Variants in PASK observed in about 807,000 individuals in gnomAD.
PASK encodes the protein PAS domain-containing serine/threonine-protein kinase.
In PASK, 110 loss-of-function variants were observed where a neutral mutation model predicts 121.0. That is an observed-to-expected ratio of 0.91 (90% CI 0.78 to 1.06). The LOEUF (loss-of-function observed/expected upper bound fraction) is 1.06, where lower values mean the gene tolerates loss of function less well. Ranked by LOEUF, PASK falls within the 50% of genes least tolerant of loss-of-function variation. PASK has a pLI of 0.00. For synonymous variants in PASK, 686 were observed against 717.8 expected (o/e 0.96, Z 0.71); for missense variants, 1,643 against 1,702.3 (o/e 0.97, Z 0.61).
intron 9 of PASK, among the ~76,000 whole-genome samples, chr2:241,129,838 G>C (rs901826255): frequency 6.6e-6 from 1 of 152,202 alleles, no homozygotes; most frequent in Non-Finnish European, 1.5e-5. Context: ...AGGGACCGTA[G>C]GTCCTCCAGT....
intron 9 of PASK, among the ~76,000 whole-genome samples, chr2:241,132,017 C>T (rs1575305030): frequency 4.3e-5 from 6 of 140,274 alleles, no homozygotes; most frequent in Non-Finnish European, 9.0e-5. Flanking sequence ...CACGCCACTG[C>T]ACTCTAGCCT....
rs1048285031 is a variant in PASK, at chr2:241,123,009, C to T, written c.2905-110G>A. ...CAGCAGCCGCCCGAGGCAGGTGTGC[C>T]CTGCACTCCAGTCCCCTCTCCTCCC... On this transcript the variant is annotated intron_variant, in intron 11 of 17. Coordinates refer to ENST00000234040, the MANE Select transcript of PASK (RefSeq NM_015148.4). The T allele has an allele frequency of 6.7e-5, 66 of 981,324 alleles. 1 individual carries two copies. Among genetic ancestry groups the T allele is most frequent in the Admixed American group, 1.2e-4 (5 of 42,246 alleles). The allele number at this position is 981,324 out of a possible 1,614,324, so 60.8% of individuals were successfully genotyped here. A position where few individuals can be genotyped will look rare whatever the true frequency, so the allele number is the denominator to read the frequency against.
intron 12 of PASK, among the ~76,000 whole-genome samples, chr2:241,118,460 A>G (rs2065464771): frequency 6.6e-6 from 1 of 152,240 alleles, no homozygotes; most frequent in African/African-American, 2.4e-5. Flanking sequence ...TTCAACAAGC[A>G]GTGCTAGTAC....
chr2:241,149,140 G>C (rs377488401), intron 1 of PASK, among the ~76,000 whole-genome samples: 1 of 150,756 alleles, frequency 6.6e-6, no homozygotes, highest in Non-Finnish European at 1.5e-5. Context: ...GGCGCCCACC[G>C]GGCAGGCTAC....
intron 1 of PASK, among the ~76,000 whole-genome samples, chr2:241,145,002 C>T (rs2066890345): frequency 6.6e-6 from 1 of 152,212 alleles, no homozygotes; most frequent in Non-Finnish European, 1.5e-5. Flanking sequence ...CAACCTCCGC[C>T]TCCCGGGTTC....
chr2:241,126,606 G>T lies in PASK; in HGVS notation c.2309C>A (p.Pro770His), dbSNP rs773737144. 2 of 1,614,190 alleles carry T rather than the reference G, an allele frequency of 1.2e-6. No homozygotes were observed. The highest frequency in any genetic ancestry group is 1.1e-5 in the South Asian group (1 of 91,074). Residue 770 changes from proline (P) to histidine (H), a missense_variant, in exon 10 of 18, where the codon CCC (proline) becomes CAC (histidine). Around this residue, in one of 3 missense-constraint regions of PASK, gnomAD observed 1,176 missense variants for 1,162.2 expected, o/e 1.01. Transcript: ENST00000234040. Reference sequence around the variant, plus strand: ...ATCGGAGCCCACTGCCAAGGAAGAGGGTGTCTCTCTGAGTTCAGACGTAGC... The same window carrying T: ...ATCGGAGCCCACTGCCAAGGAAGAGTGTGTCTCTCTGAGTTCAGACGTAGC... ...SCATSELRET[P>H]SSLAVGSDPD...
chr2:241,149,820 CG>C (rs2067200111), upstream of PASK: 1 of 1,527,198 alleles, frequency 6.5e-7, no homozygotes, highest in East Asian at 2.5e-5. Flanking sequence ...CTGCAGCGTC[CG>C]CACTGGGCTG....
chr2:241,127,336 G>T lies in PASK; in HGVS notation c.1579C>A (p.Gln527Lys), dbSNP rs201080865. 1.5e-5 allele frequency: 24 copies of T among 1,614,188 alleles called. No individual in the cohort carries two copies. The highest frequency in any genetic ancestry group is 2.7e-5 in the African/African-American group (2 of 75,064). ...GACCTGCTTTCTCCCAGAAGATCCT[G>T]TCCGGGGCTCTCTATTGCCACAGGT... ...EEPVAIESPG[Q>K]DLLGESRSEP... is the part of the protein sequence containing the mutation. The change falls in exon 10 of 18, where the codon CAG becomes AAG. Residue 527 changes from glutamine to lysine, a missense_variant. Transcript: ENST00000234040.
At position 241,126,698 on chromosome 2, in the gene PASK, A is replaced by C. The variant is rs1352469169; in HGVS notation, c.2217T>G (p.Phe739Leu). The stretch of plus-strand genomic sequence containing the variant: ...AAAAGAGTTCCTTGAGGTTCCAGGA[A>C]AACGAATTCACATCAACCTCCTGGG... Reference protein sequence around the residue: ...VEAQEVDVNSFSWNLKELFFS... With the variant: ...VEAQEVDVNSLSWNLKELFFS... The change falls in exon 10 of 18, where the codon TTT (phenylalanine) becomes TTG (leucine). Residue 739 changes from phenylalanine to leucine, a missense_variant. By Grantham distance (22) the Phe-to-Leu change is conservative. Transcript: ENST00000234040. 6.2e-7 allele frequency: 1 copy of C among 1,614,102 alleles called. No individual in the cohort carries two copies. The highest frequency in any genetic ancestry group is 1.7e-5 in the Admixed American group (1 of 60,012).
chr2:241,123,108 G>A (rs2065691290), intron 11 of PASK, among the ~76,000 whole-genome samples: 1 of 151,880 alleles, frequency 6.6e-6, no homozygotes. Context: ...ATCCCAACTG[G>A]CACACATGTC....
At position 241,117,153 on chromosome 2, in the gene PASK, C is replaced by T. The variant is rs1445401507; in HGVS notation, c.3073-1740G>A. On this transcript the variant is annotated intron_variant, in intron 12 of 17. Transcript: ENST00000234040. ...CCAGGGCGGGAGCAGGAAGAATCAT[C>T]GGAGCCTGGGCAACATCCAGGCCTC... Among the ~76,000 whole-genome samples, 5 of 151,984 alleles carry T rather than the reference C, an allele frequency of 3.3e-5. No individual in the cohort carries two copies. The East Asian group carries it at 7.7e-4, about 23-fold the overall frequency.
chr2:241,132,552 A>G (rs1312530425), intron 9 of PASK, among the ~76,000 whole-genome samples: 1 of 150,918 alleles, frequency 6.6e-6, no homozygotes, highest in Non-Finnish European at 1.5e-5. Flanking sequence ...AAAAAAAAAA[A>G]AAGAAAATGA....
chr2:241,135,943 C>T lies in PASK; in HGVS notation c.1234G>A (p.Gly412Ser), dbSNP rs149425605. 4.6e-5 allele frequency: 75 copies of T among 1,614,068 alleles called. No homozygotes were observed. Among genetic ancestry groups the T allele is most frequent in the Non-Finnish European group, 5.8e-5 (68 of 1,180,024 alleles). ...CTCTCCCCACACCCACTCTCATTGC[C>T]GACGTCCAGGCAGCTGGCCAGGTCT... Reference protein sequence around the residue: ...LPDLASCLDVGNESGCGERTL... With the variant: ...LPDLASCLDVSNESGCGERTL... The change falls in exon 8 of 18, where the codon GGC (glycine) becomes AGC (serine). Residue 412 changes from glycine to serine, a missense_variant. By Grantham distance (56) the Gly-to-Ser change is moderately conservative. This residue lies in a region of PASK where 1,176 missense variants were observed against 1,162.2 expected (regional missense o/e 1.01). Coordinates refer to ENST00000234040, the MANE Select transcript of PASK (RefSeq NM_015148.4).
chr2:241,149,029 G>A (rs566595717), intron 1 of PASK, among the ~76,000 whole-genome samples: 293 of 152,232 alleles, frequency 1.9e-3, no homozygotes, highest in African/African-American at 6.3e-3. Flanking sequence ...CAGTGCAGGA[G>A]GCTGGCGGGA....
At chr2:241,149,740 C>T (rs572148928), upstream of PASK, 149 of 1,544,882 alleles carry the variant, frequency 9.6e-5, no homozygotes, top group African/African-American at 7.2e-4. Flanking sequence ...TCTTGGAGGC[C>T]TCTTTCTGAA....
At position 241,112,370 on chromosome 2, in the gene PASK, C is replaced by T. The variant is rs761296133; in HGVS notation, c.3403G>A (p.Val1135Met). 3 of 1,613,588 alleles carry T rather than the reference C, an allele frequency of 1.9e-6. No individual in the cohort carries two copies. The highest frequency in any genetic ancestry group is 2.5e-6 in the Non-Finnish European group (3 of 1,179,684). Reference sequence around the variant, plus strand: ...TTGATTGTGAAGTCCTCGGCGATCACGATGTTCTCATCCTTGATGTCACGG... The same window carrying T: ...TTGATTGTGAAGTCCTCGGCGATCATGATGTTCTCATCCTTGATGTCACGG... The part of the protein sequence containing the change: ...IHRDIKDENI[V>M]IAEDFTIKLI... The change falls in exon 15 of 18, where the codon GTG (valine) becomes ATG (methionine). Residue 1135 changes from valine (V) to methionine (M), a missense_variant. Around this residue, in one of 3 missense-constraint regions of PASK, gnomAD observed 453 missense variants for 511.2 expected, o/e 0.89. Transcript: ENST00000234040. The surrounding 1 kb of genome is among the most constrained non-coding windows in gnomAD (Gnocchi z 5.2).
Position 241,112,148 on chromosome 2 carries a change from CA to C in PASK, c.3533+91del. 1 of 980,922 alleles carries C rather than the reference CA, an allele frequency of 1.0e-6. No homozygotes were observed. Among genetic ancestry groups the C allele is most frequent in the Non-Finnish European group, 1.6e-6 (1 of 609,954 alleles). The allele number at this position is 980,922 out of a possible 1,614,324, so 60.8% of individuals were successfully genotyped here. On this transcript the variant is annotated intron_variant, in intron 15 of 17. Transcript: ENST00000234040. The surrounding 1 kb of genome is among the most constrained non-coding windows in gnomAD (Gnocchi z 5.2). Reference sequence around the variant, plus strand: ...ACTCAACACTCATCACAAAGAGGCACAAAGGAAGCCATTTTCCCACCCAAAA... The same window carrying C: ...ACTCAACACTCATCACAAAGAGGCACAAGGAAGCCATTTTCCCACCCAAAA...
chr2:241,127,063 C>T lies in PASK; in HGVS notation c.1852G>A (p.Gly618Ser). 1 of 1,614,166 alleles carries T rather than the reference C, an allele frequency of 6.2e-7. No homozygotes were observed. The highest frequency in any genetic ancestry group is 8.5e-7 in the Non-Finnish European group (1 of 1,180,048). ...MHCPCYGSEW[G>S]LWWRSQDLAP... ...AAGTCCTGGCTTCGCCACCACAAGC[C>T]CCATTCACTCCCATAGCAAGGGCAG... The change falls in exon 10 of 18, where the codon GGC (glycine) becomes AGC (serine). Residue 618 changes from glycine to serine, a missense_variant. Physicochemically the swap from Gly to Ser is moderately conservative, Grantham distance 56 (BLOSUM62 0). This residue lies in a region of PASK where 1,176 missense variants were observed against 1,162.2 expected (regional missense o/e 1.01). Coordinates refer to ENST00000234040, the MANE Select transcript of PASK (RefSeq NM_015148.4).
At position 241,126,997 on chromosome 2, in the gene PASK, T is replaced by A; in HGVS notation, c.1918A>T (p.Thr640Ser). 1 of 1,614,176 alleles carries A rather than the reference T, an allele frequency of 6.2e-7. No individual in the cohort carries two copies. Among genetic ancestry groups the A allele is most frequent in the Non-Finnish European group, 8.5e-7 (1 of 1,180,004 alleles). The change falls in exon 10 of 18, where the codon ACA (threonine) becomes TCA (serine). Residue 640 changes from threonine to serine, a missense_variant. Thr to Ser is a moderately conservative substitution (Grantham distance 58). Coordinates refer to ENST00000234040, the MANE Select transcript of PASK (RefSeq NM_015148.4). ...PSGMAGLSFGTPTLDEPWLGV... is the reference protein window; with the variant it reads ...PSGMAGLSFGSPTLDEPWLGV... ...AGCCACGGCTCATCTAGAGTAGGTG[T>A]CCCAAACGAGAGGCCTGCCATCCCA...
Sources: allele counts gnomAD v4.1 joint callset (sites outside exome capture counted in the v4.1 genomes callset), GRCh38; gene constraint gnomAD v4.1.1; regional missense constraint gnomAD v4.1.1; non-coding constraint Gnocchi (gnomAD v3.1); transcripts MANE v1.5; gene names NCBI Gene and HGNC (gene_info 2026-07-23, HGNC 2026-07-21).